Variants in MGAT4C observed in about 807,000 individuals in gnomAD.
The protein encoded by MGAT4C is alpha-1,3-mannosyl-glycoprotein 4-beta-N-acetylglucosaminyltransferase C.
MGAT4C carries 19 observed loss-of-function variants against 40.1 expected under a neutral mutation model. The observed-to-expected ratio is 0.47, with a 90% CI of 0.33 to 0.70. The LOEUF (loss-of-function observed/expected upper bound fraction) is 0.70. Ranked by LOEUF, MGAT4C falls within the 30% of genes least tolerant of loss-of-function variation. The probability of loss-of-function intolerance (pLI) is 0.02; values close to 1 mark genes in which losing one functional copy is unlikely to be tolerated. For synonymous variants in MGAT4C, 181 were observed against 187.1 expected, an observed-to-expected ratio of 0.97 and a Z score of 0.27; for missense variants, 491 against 563.2, an observed-to-expected ratio of 0.87 and a Z score of 1.30.
chr12:86,443,397 A>G (rs1310750080), intron 2 of MGAT4C, among the ~76,000 whole-genome samples: 1 of 152,076 alleles, frequency 6.6e-6, no homozygotes, highest in Non-Finnish European at 1.5e-5. Flanking sequence ...CCTGGAGAAA[A>G]ATTCAAAATC....
chr12:86,632,565 T>G (rs562187481), intron 2 of MGAT4C, among the ~76,000 whole-genome samples: 2 of 152,238 alleles, frequency 1.3e-5, no homozygotes, highest in African/African-American at 2.4e-5. Context: ...CACTATGGAA[T>G]ACTATGCAGC....
chr12:86,449,519 A>C (rs2136285698), intron 2 of MGAT4C, among the ~76,000 whole-genome samples: 1 of 152,304 alleles, frequency 6.6e-6, no homozygotes, highest in African/African-American at 2.4e-5. Context: ...TTATCAAATC[A>C]AATTATAGAA....
exon 4 of MGAT4C, chr12:86,334,097 G>C (rs945131961): frequency 6.6e-6 from 1 of 152,050 alleles, no homozygotes; most frequent in Non-Finnish European, 1.5e-5. Flanking sequence ...CCTTTCTCAC[G>C]CAGAATCAGG....
chr12:86,120,263 T>C (rs993967830), intron 1 of MGAT4C, among the ~76,000 whole-genome samples: 12 of 152,132 alleles, frequency 7.9e-5, no homozygotes, highest in African/African-American at 2.9e-4. Context: ...CGAGGGTACA[T>C]GTGCACAATG....
rs1262906793 is a variant in MGAT4C, at chr12:85,964,225, G to A, written c.*15064C>T. 1 of 152,046 alleles carries A rather than the reference G, an allele frequency of 6.6e-6. No individual in the cohort carries two copies. The highest frequency in any genetic ancestry group is 1.5e-5 in the Non-Finnish European group (1 of 67,934). 9.4% of individuals were successfully genotyped at this position (152,046 alleles called of 1,614,324 possible). ...ATACTAAATGATATTCTTTTCATCT[G>A]TGGTTACTGCTAAAAAATTCTTTCA... On this transcript the variant is annotated 3_prime_UTR_variant, in exon 5 of 5. Coordinates refer to ENST00000611864, the MANE Select transcript of MGAT4C (RefSeq NM_001351288.2).
rs116764636 is a variant in MGAT4C, at chr12:86,077,271, A to C, written c.-56-27548T>G. The stretch of plus-strand genomic sequence containing the variant: ...TACATAATCTTCAAATAAAGAAAAT[A>C]ATAAGTTCATAATAATATCTGACAT... On this transcript the variant is annotated intron_variant, in intron 1 of 4. Transcript: ENST00000611864. Among the ~76,000 whole-genome samples, 1,197 of 152,290 alleles carry C rather than the reference A, an allele frequency of 7.9e-3. 8 individuals carry two copies. Among genetic ancestry groups the C allele is most frequent in the African/African-American group, 0.028 (1,153 of 41,562 alleles).
chr12:86,645,354 A>G (rs1215705108), intron 2 of MGAT4C, among the ~76,000 whole-genome samples: 1 of 151,726 alleles, frequency 6.6e-6, no homozygotes, highest in African/African-American at 2.4e-5. Flanking sequence ...ATGAATTTTA[A>G]TACAAAATGA....
intron 1 of MGAT4C, among the ~76,000 whole-genome samples, chr12:86,171,150 T>C (rs968648479): frequency 1.3e-5 from 2 of 149,516 alleles, no homozygotes; most frequent in Middle Eastern, 3.3e-3. Flanking sequence ...AGTGGGTGGA[T>C]CACGAGGTCA....
chr12:86,113,426 G>A (rs542568961), intron 1 of MGAT4C, among the ~76,000 whole-genome samples: 15 of 151,618 alleles, frequency 9.9e-5, no homozygotes, highest in Admixed American at 7.3e-4. Flanking sequence ...GGTGATTTTG[G>A]GGGATTTTTT....
intron 1 of MGAT4C, among the ~76,000 whole-genome samples, chr12:86,111,393 G>T (rs1877376211): frequency 6.6e-6 from 1 of 151,744 alleles, no homozygotes; most frequent in East Asian, 1.9e-4. Flanking sequence ...TATCAGTGTT[G>T]TACATGTATA....
At chr12:86,209,984 T>C (rs1026883066) in intron 1 of MGAT4C, among the ~76,000 whole-genome samples, 4 of 152,208 alleles carry the variant, frequency 2.6e-5, no homozygotes, top group Non-Finnish European at 5.9e-5. Flanking sequence ...TTAATAATTA[T>C]ACAGATTATG....
intron 2 of MGAT4C, among the ~76,000 whole-genome samples, chr12:86,016,769 G>T (rs61931075): frequency 6.6e-6 from 1 of 151,580 alleles, no homozygotes; most frequent in Non-Finnish European, 1.5e-5. Flanking sequence ...TTTTTTTTTG[G>T]TATGCAGACA....
intron 4 of MGAT4C, among the ~76,000 whole-genome samples, chr12:86,280,002 T>C (rs1489476130): frequency 6.6e-6 from 1 of 152,112 alleles, no homozygotes; most frequent in African/African-American, 2.4e-5. Context: ...ATTTATATGA[T>C]TTCAATGTTC....
chr12:86,084,481 A>C lies in MGAT4C; in HGVS notation c.-56-34758T>G, dbSNP rs191642510. 9.2e-5 allele frequency among the ~76,000 whole-genome samples: 14 copies of C among 152,136 alleles called. No individual in the cohort carries two copies. The East Asian group carries it at 2.5e-3, about 27-fold the overall frequency. On this transcript the variant is annotated intron_variant, in intron 1 of 4. Transcript: ENST00000611864. ...TGTATTACACATTTAGTGTTTCAAGAGATTCACTTAATTGCCTTTTTGCCA... is the reference window on the plus strand; with the variant it reads ...TGTATTACACATTTAGTGTTTCAAGCGATTCACTTAATTGCCTTTTTGCCA...
intron 2 of MGAT4C, among the ~76,000 whole-genome samples, chr12:86,447,921 C>T (rs974879829): frequency 5.3e-5 from 8 of 152,136 alleles, no homozygotes; most frequent in Non-Finnish European, 1.2e-4. Flanking sequence ...GGCTGAGCTT[C>T]CCATGCCCTG....
intron 1 of MGAT4C, among the ~76,000 whole-genome samples, chr12:86,067,273 G>A (rs544769574): frequency 6.6e-6 from 1 of 152,236 alleles, no homozygotes; most frequent in Non-Finnish European, 1.5e-5. Flanking sequence ...GTTTATTGTG[G>A]CACTTTTCAC....
At chr12:86,091,336 T>G (rs569888279) in intron 1 of MGAT4C, among the ~76,000 whole-genome samples, 1 of 152,172 alleles carries the variant, frequency 6.6e-6, no homozygotes, top group East Asian at 1.9e-4. Context: ...GATGGGCTGT[T>G]AACCATTTTC....
chr12:86,143,077 G>C (rs1883057207), intron 1 of MGAT4C, among the ~76,000 whole-genome samples: 1 of 152,110 alleles, frequency 6.6e-6, no homozygotes, highest in South Asian at 2.1e-4. Context: ...TAAATTTGTT[G>C]GCACCTTAAT....
intron 4 of MGAT4C, among the ~76,000 whole-genome samples, chr12:86,263,840 AT>A (rs887987102): frequency 1.3e-5 from 2 of 152,010 alleles, no homozygotes; most frequent in African/African-American, 4.8e-5. Flanking sequence ...AAAATCTGGT[AT>A]TTTTTGTCTT....
Sources: allele counts gnomAD v4.1 joint callset (sites outside exome capture counted in the v4.1 genomes callset), GRCh38; gene constraint gnomAD v4.1.1; transcripts MANE v1.5; gene names NCBI Gene and HGNC (gene_info 2026-07-23, HGNC 2026-07-21).